SLC10A7: variants seen among roughly 807,000 people sequenced by gnomAD.
The protein encoded by SLC10A7 is sodium/bile acid cotransporter 7.
A neutral mutation model predicts 43.2 loss-of-function variants in SLC10A7; 29 were observed. The ratio of observed to expected loss-of-function variants is 0.67; its 90% CI spans 0.50 to 0.92. The LOEUF is 0.92. SLC10A7 is among the 40% of genes least tolerant of loss of function. SLC10A7 has a pLI of 0.00. For missense variants in SLC10A7, 295 were observed against 403.2 expected, an observed-to-expected ratio of 0.73 and a Z score of 2.30; for synonymous variants, 152 against 144.8, an observed-to-expected ratio of 1.05 and a Z score of -0.35.
chr4:146,297,270 C>T (rs1730848451), intron 7 of SLC10A7, among the ~76,000 whole-genome samples: 1 of 152,104 alleles, frequency 6.6e-6, no homozygotes, highest in Non-Finnish European at 1.5e-5. Flanking sequence ...TTTGTTGTCT[C>T]ACCTTCAAAA....
intron 4 of SLC10A7, among the ~76,000 whole-genome samples, chr4:146,473,701 C>T (rs1733785558): frequency 6.6e-6 from 1 of 151,884 alleles, no homozygotes; most frequent in South Asian, 2.1e-4. Flanking sequence ...ACATTTTCTA[C>T]TAATCAAGTA....
chr4:146,494,860 G>T (rs1735750430), intron 4 of SLC10A7, among the ~76,000 whole-genome samples: 1 of 152,062 alleles, frequency 6.6e-6, no homozygotes, highest in Non-Finnish European at 1.5e-5. Flanking sequence ...CAATTTGCTG[G>T]GCAACAGGGT....
chr4:146,320,200 G>A (rs377146455), intron 6 of SLC10A7, among the ~76,000 whole-genome samples: 1 of 152,062 alleles, frequency 6.6e-6, no homozygotes. Flanking sequence ...AGTCAGCATG[G>A]TAGTATGTTT....
At chr4:146,371,779 G>C (rs909058611) in intron 5 of SLC10A7, among the ~76,000 whole-genome samples, 8 of 152,128 alleles carry the variant, frequency 5.3e-5, no homozygotes, top group African/African-American at 1.7e-4. Context: ...TATAAAAACA[G>C]GGCCTCACTT....
chr4:146,506,693 A>G (rs1255048674), intron 3 of SLC10A7, among the ~76,000 whole-genome samples: 1 of 151,972 alleles, frequency 6.6e-6, no homozygotes, highest in African/African-American at 2.4e-5. Context: ...ATTGTAGTTC[A>G]TTCAAATTTA....
Position 146,419,710 on chromosome 4 carries a change from C to T in SLC10A7, c.435+23073G>A, listed in dbSNP as rs1039216915. On this transcript the variant is annotated intron_variant, in intron 5 of 11. Transcript: ENST00000335472. ...AATTAGCCAGGCATGGTGGCGGGTG[C>T]CTGCAATCCCAGCTACTCAGGAGGC... 2.6e-5 allele frequency among the ~76,000 whole-genome samples: 4 copies of T among 151,882 alleles called. No individual in the cohort carries two copies. The South Asian group carries it at 8.3e-4, about 32-fold the overall frequency.
At chr4:146,364,528 C>A (rs1345256790) in intron 5 of SLC10A7, among the ~76,000 whole-genome samples, 1 of 152,000 alleles carries the variant, frequency 6.6e-6, no homozygotes, top group African/African-American at 2.4e-5. Context: ...AAGCCAAGTG[C>A]AGAACAACAA....
intron 5 of SLC10A7, among the ~76,000 whole-genome samples, chr4:146,391,116 T>G (rs988645322): frequency 6.6e-6 from 1 of 152,218 alleles, no homozygotes; most frequent in African/African-American, 2.4e-5. Flanking sequence ...TCATCTTGAC[T>G]TATTAAAAAA....
chr4:146,290,715 C>T (rs1031108707), intron 9 of SLC10A7, among the ~76,000 whole-genome samples: 4 of 151,980 alleles, frequency 2.6e-5, no homozygotes, highest in Non-Finnish European at 5.9e-5. Context: ...ACAAGTTAGC[C>T]GGGCATGGTG....
At chr4:146,305,654 ATAAAT>A (rs1731515151) in intron 7 of SLC10A7, among the ~76,000 whole-genome samples, 1 of 152,144 alleles carries the variant, frequency 6.6e-6, no homozygotes, top group Non-Finnish European at 1.5e-5. Context: ...AGAGGAGATA[ATAAAT>A]TAAACAAAAA....
chr4:146,302,173 C>T (rs1431663761), intron 7 of SLC10A7, among the ~76,000 whole-genome samples: 1 of 152,046 alleles, frequency 6.6e-6, no homozygotes, highest in Non-Finnish European at 1.5e-5. Context: ...ATGCATAAGC[C>T]TTAAATTATT....
chr4:146,257,527 C>A (rs1345434414), intron 11 of SLC10A7, among the ~76,000 whole-genome samples: 1 of 152,182 alleles, frequency 6.6e-6, no homozygotes, highest in Admixed American at 6.5e-5. Context: ...CTGAACTACC[C>A]TATGGTCTCA....
intron 5 of SLC10A7, among the ~76,000 whole-genome samples, chr4:146,329,787 C>T (rs986460174): frequency 6.6e-6 from 1 of 152,160 alleles, no homozygotes; most frequent in African/African-American, 2.4e-5. Context: ...GTGAGCTAAA[C>T]ATTTAAACTG....
intron 10 of SLC10A7, among the ~76,000 whole-genome samples, chr4:146,262,762 C>A (rs573490564): frequency 6.6e-6 from 1 of 152,318 alleles, no homozygotes; most frequent in Admixed American, 6.5e-5. Flanking sequence ...TTTAAGAGCA[C>A]CTCTTCCACA....
chr4:146,301,739 G>T (rs1389646793), intron 7 of SLC10A7, among the ~76,000 whole-genome samples: 1 of 152,156 alleles, frequency 6.6e-6, no homozygotes, highest in Non-Finnish European at 1.5e-5. Flanking sequence ...GTAAGGAGAG[G>T]GAGGAGGTAA....
intron 5 of SLC10A7, among the ~76,000 whole-genome samples, chr4:146,391,287 T>C (rs1232308364): frequency 2.0e-5 from 3 of 152,218 alleles, no homozygotes; most frequent in African/African-American, 7.2e-5. Flanking sequence ...ATGTGAACAC[T>C]GCAAATGTGT....
At chr4:146,379,346 T>C (rs1291145521) in intron 5 of SLC10A7, among the ~76,000 whole-genome samples, 1 of 152,212 alleles carries the variant, frequency 6.6e-6, no homozygotes, top group East Asian at 1.9e-4. Context: ...GTTTAATTGA[T>C]GAATACAACA....
chr4:146,271,029 A>G lies in SLC10A7; in HGVS notation c.847+12163T>C, dbSNP rs1560750239. ...ATAGGTCTGGCTGATTTAGACTTTCATATCATTTCATTATTAAAATAATTC... is the reference window on the plus strand; with the variant it reads ...ATAGGTCTGGCTGATTTAGACTTTCGTATCATTTCATTATTAAAATAATTC... On this transcript the variant is annotated intron_variant, in intron 10 of 11. Transcript: ENST00000335472. Among the ~76,000 whole-genome samples the G allele has an allele frequency of 7.2e-5, 11 of 152,170 alleles. 1 individual carries two copies. Among genetic ancestry groups the G allele is most frequent in the Admixed American group, 7.2e-4 (11 of 15,270 alleles).
chr4:146,466,393 GC>G (rs5862758), intron 4 of SLC10A7, among the ~76,000 whole-genome samples: 47,325 of 151,958 alleles, frequency 0.31, 8,584 homozygotes, highest in South Asian at 0.44. Flanking sequence ...CCTGGAAGTG[GC>G]CCCACTTGGC....
Sources: gnomAD v4.1 joint callset for allele counts (sites outside exome capture counted in the v4.1 genomes callset) on GRCh38, gnomAD v4.1.1 for gene constraint, MANE v1.5 for transcripts, NCBI Gene and HGNC (gene_info 2026-07-23, HGNC 2026-07-21) for gene names.